Variants in PARD3B observed in about 807,000 individuals in gnomAD.
The protein encoded by PARD3B is partitioning defective 3 homolog B.
PARD3B carries 103 observed loss-of-function variants against 130.2 expected under a neutral mutation model. The observed-to-expected ratio is 0.79, with a 90% CI of 0.67 to 0.93. The LOEUF (loss-of-function observed/expected upper bound fraction) is 0.93. Among genes scored for constraint, PARD3B ranks in the 40% least tolerant of loss-of-function variants. PARD3B has a pLI of 0.00. For synonymous variants in PARD3B, 583 were observed against 553.2 expected (o/e 1.05, Z -0.76); for missense variants, 1,609 against 1,499.2 (o/e 1.07, Z -1.21).
intron 1 of PARD3B, among the ~76,000 whole-genome samples, chr2:204,579,061 C>T (rs1178141991): frequency 6.6e-6 from 1 of 151,874 alleles, no homozygotes; most frequent in African/African-American, 2.4e-5. Flanking sequence ...TGAGAACCAG[C>T]TTAGGCAAAA....
At chr2:205,249,321 A>G (rs1217167885) in intron 16 of PARD3B, among the ~76,000 whole-genome samples, 1 of 151,932 alleles carries the variant, frequency 6.6e-6, no homozygotes, top group Non-Finnish European at 1.5e-5. Context: ...TAAATCTATC[A>G]TCCAGCCTCT....
chr2:204,893,663 A>C (rs2125693397), intron 2 of PARD3B, among the ~76,000 whole-genome samples: 1 of 152,310 alleles, frequency 6.6e-6, no homozygotes, highest in Admixed American at 6.5e-5. Context: ...ATAATGGAAA[A>C]GTTATGGAAA....
chr2:204,989,275 A>G (rs1559331224), intron 3 of PARD3B, among the ~76,000 whole-genome samples: 2 of 152,168 alleles, frequency 1.3e-5, no homozygotes, highest in Non-Finnish European at 2.9e-5. Context: ...AAAAAAGCCA[A>G]GTATGACTGC....
chr2:205,375,541 G>A (rs2045009720), intron 18 of PARD3B, among the ~76,000 whole-genome samples: 1 of 152,174 alleles, frequency 6.6e-6, no homozygotes, highest in African/African-American at 2.4e-5. Flanking sequence ...GGAGAAGTGT[G>A]GAAAAGGGAC....
intron 21 of PARD3B, among the ~76,000 whole-genome samples, chr2:205,520,896 C>T (rs937922528): frequency 2.0e-5 from 3 of 151,554 alleles, no homozygotes; most frequent in African/African-American, 4.8e-5. Flanking sequence ...CATTATTGGA[C>T]GTTTAAGTTG....
At chr2:204,857,387 T>C (rs2044994603) in intron 2 of PARD3B, among the ~76,000 whole-genome samples, 1 of 152,116 alleles carries the variant, frequency 6.6e-6, no homozygotes. Context: ...GAAGAGAATG[T>C]AGGGGAAGGA....
At chr2:205,503,153 C>G (rs2050221016) in intron 21 of PARD3B, among the ~76,000 whole-genome samples, 1 of 151,954 alleles carries the variant, frequency 6.6e-6, no homozygotes, top group South Asian at 2.1e-4. Context: ...GTGCTGATAA[C>G]AAGAATATGA....
In PARD3B at chr2:204,675,343, T is replaced by G. The variant is rs750923991; in HGVS notation, c.121-10838T>G. ...TTAAATATCTTTAATTTTTTTTAAT[T>G]TCAGACTTTTAACGTTTAATTTTCC... is the stretch of plus-strand genomic sequence containing the variant. On this transcript the variant is annotated intron_variant, in intron 1 of 22. Coordinates refer to ENST00000406610, the MANE Select transcript of PARD3B (RefSeq NM_001302769.2). The surrounding 1 kb of genome is among the most constrained non-coding windows in gnomAD (Gnocchi z 4.4). Among the ~76,000 whole-genome samples the G allele has an allele frequency of 1.3e-5, 2 of 152,152 alleles. No individual in the cohort carries two copies. The highest frequency in any genetic ancestry group is 4.8e-5 in the African/African-American group (2 of 41,446).
chr2:204,619,985 C>G (rs1367972604), intron 1 of PARD3B, among the ~76,000 whole-genome samples: 1 of 152,096 alleles, frequency 6.6e-6, no homozygotes, highest in East Asian at 1.9e-4. Flanking sequence ...AGGGAGAATA[C>G]TTACTGACTC....
rs190243672 is a variant in PARD3B at position 204,577,146 on chromosome 2, C to G, written c.120+31027C>G. The stretch of plus-strand genomic sequence containing the variant: ...CATATCTTTGTACTGCAGGCTAGAG[C>G]TAACAAATATTTATAATATTGTGTG... On this transcript the variant is annotated intron_variant, in intron 1 of 22. Coordinates refer to ENST00000406610, the MANE Select transcript of PARD3B (RefSeq NM_001302769.2). Among the ~76,000 whole-genome samples, 4 of 152,220 alleles carry G rather than the reference C, an allele frequency of 2.6e-5. No homozygotes were observed. The East Asian group carries it at 5.8e-4, about 22-fold the overall frequency.
At chr2:204,806,207 A>G (rs1246976610) in intron 2 of PARD3B, among the ~76,000 whole-genome samples, 1 of 152,048 alleles carries the variant, frequency 6.6e-6, no homozygotes, top group Non-Finnish European at 1.5e-5. Context: ...AAAGAACAAA[A>G]CTGGAGGAAT....
chr2:205,429,234 G>A (rs2047246319), intron 19 of PARD3B, among the ~76,000 whole-genome samples: 1 of 152,260 alleles, frequency 6.6e-6, no homozygotes. Context: ...CCCCAAAAAT[G>A]TTCCTAACTA....
chr2:205,582,670 T>TG (rs2054033403), intron 22 of PARD3B, among the ~76,000 whole-genome samples: 1 of 147,884 alleles, frequency 6.8e-6, no homozygotes, highest in South Asian at 2.1e-4. Context: ...AGGTTATTGT[T>TG]TTTTTTTTTT....
intron 10 of PARD3B, among the ~76,000 whole-genome samples, chr2:205,130,000 A>T (rs559875939): frequency 2.9e-4 from 44 of 152,254 alleles, no homozygotes; most frequent in Admixed American, 1.5e-3. Flanking sequence ...CCTTCTTTCC[A>T]TCTGGGGCAG....
intron 9 of PARD3B, 45 bp downstream of exon 9, chr2:205,124,511 TTAAATAATGCC>T: frequency 6.9e-7 from 1 of 1,449,046 alleles, no homozygotes. Context: ...TTCTTGGCAT[TTAAATAATGCC>T]ATTTAATTGC....
intron 2 of PARD3B, among the ~76,000 whole-genome samples, chr2:204,801,126 T>TTA (rs1470181972): frequency 8.5e-5 from 13 of 152,132 alleles, no homozygotes; most frequent in African/African-American, 3.1e-4. Context: ...TAGCCTTGTA[T>TTA]TATAGTTTAA....
chr2:205,546,189 C>T (rs1432278719), intron 21 of PARD3B, among the ~76,000 whole-genome samples: 2 of 152,128 alleles, frequency 1.3e-5, no homozygotes, highest in African/African-American at 4.8e-5. Context: ...CAAAGAGGGT[C>T]ACCACGTGCA....
At chr2:205,247,164 A>G (rs925558710) in intron 16 of PARD3B, among the ~76,000 whole-genome samples, 1 of 152,194 alleles carries the variant, frequency 6.6e-6, no homozygotes, top group Non-Finnish European at 1.5e-5. Context: ...TGGAATTTTT[A>G]TCAATTTGGT....
chr2:204,817,064 A>T (rs1327477183), intron 2 of PARD3B, among the ~76,000 whole-genome samples: 26 of 152,018 alleles, frequency 1.7e-4, no homozygotes, highest in Non-Finnish European at 3.5e-4. Context: ...TTATCTCTAG[A>T]AGTTTGTTGG....
Sources: allele counts gnomAD v4.1 joint callset (sites outside exome capture counted in the v4.1 genomes callset), GRCh38; gene constraint gnomAD v4.1.1; non-coding constraint Gnocchi (gnomAD v3.1); transcripts MANE v1.5; gene names NCBI Gene and HGNC (gene_info 2026-07-23, HGNC 2026-07-21).